KIAA1328: variants seen among roughly 807,000 people sequenced by gnomAD.
The protein encoded by KIAA1328 is protein hinderin.
Under a neutral mutation model 68.1 loss-of-function variants are expected in KIAA1328, and 52 were observed. The ratio of observed to expected loss-of-function variants is 0.76; its 90% CI spans 0.61 to 0.96. KIAA1328 has a LOEUF of 0.96. KIAA1328 is among the 40% of genes least tolerant of loss of function. The probability of loss-of-function intolerance (pLI) is 0.00; values close to 1 mark genes in which losing one functional copy is unlikely to be tolerated. For synonymous variants in KIAA1328, 232 were observed against 239.4 expected (o/e 0.97, Z 0.28); for missense variants, 641 against 677.6 (o/e 0.95, Z 0.60).
At chr18:36,892,064 T>C (rs1231308259) in intron 5 of KIAA1328, among the ~76,000 whole-genome samples, 2 of 152,150 alleles carry the variant, frequency 1.3e-5, no homozygotes, top group Admixed American at 1.3e-4. Flanking sequence ...TCCAAAGCTT[T>C]GTATTTAACT....
chr18:37,018,228 T>C (rs1394884958), intron 6 of KIAA1328, among the ~76,000 whole-genome samples: 11 of 152,148 alleles, frequency 7.2e-5, no homozygotes, highest in Non-Finnish European at 1.5e-4. Flanking sequence ...AACTGAAGTT[T>C]GGTGGGATGT....
downstream of KIAA1328, chr18:37,225,417 G>A (rs1353450812): frequency 3.5e-6 from 2 of 567,524 alleles, no homozygotes; most frequent in Non-Finnish European, 4.5e-6. Context: ...CAGACCTGCA[G>A]GTTATCAAAA....
chr18:37,115,991 C>T (rs943038297), intron 7 of KIAA1328, among the ~76,000 whole-genome samples: 7 of 152,210 alleles, frequency 4.6e-5, no homozygotes, highest in African/African-American at 1.7e-4. Context: ...CTACAAACCA[C>T]TGCTCAATGA....
chr18:37,053,674 C>T (rs1392461940), intron 6 of KIAA1328, among the ~76,000 whole-genome samples: 1 of 152,084 alleles, frequency 6.6e-6, no homozygotes, highest in African/African-American at 2.4e-5. Flanking sequence ...CCTCCGGAAA[C>T]TTACAATCAT....
intron 7 of KIAA1328, among the ~76,000 whole-genome samples, chr18:37,116,577 A>T (rs1262574792): frequency 6.6e-6 from 1 of 152,238 alleles, no homozygotes; most frequent in East Asian, 1.9e-4. Context: ...AACCTAGGCA[A>T]TACCATTCAG....
chr18:37,083,523 C>T (rs1162234888), intron 7 of KIAA1328, among the ~76,000 whole-genome samples: 2 of 152,166 alleles, frequency 1.3e-5, no homozygotes, highest in Non-Finnish European at 1.5e-5. Context: ...ACTCAACTCC[C>T]GGTAGAAAAC....
intron 6 of KIAA1328, among the ~76,000 whole-genome samples, chr18:37,047,926 G>T (rs1273364005): frequency 1.3e-5 from 2 of 152,052 alleles, no homozygotes; most frequent in African/African-American, 4.8e-5. Context: ...TTTAAAGAGG[G>T]AGTATAATGA....
chr18:37,076,938 T>C (rs1394686678), intron 7 of KIAA1328, among the ~76,000 whole-genome samples: 1 of 152,160 alleles, frequency 6.6e-6, no homozygotes, highest in African/African-American at 2.4e-5. Flanking sequence ...CTTCTGAAAC[T>C]ATTCCAATCA....
In KIAA1328 at chr18:36,864,197, A is replaced by G. The variant is rs180873582; in HGVS notation, c.332+19895A>G. On this transcript the variant is annotated intron_variant, in intron 4 of 9. Transcript: ENST00000280020. The stretch of plus-strand genomic sequence containing the variant: ...AAATGCTTTTTCTCTGTCGATTGAT[A>G]TGATTACATGAGTTTTCTTTAGCCT... Among the ~76,000 whole-genome samples the G allele has an allele frequency of 5.9e-5, 9 of 152,166 alleles. No individual in the cohort carries two copies. In the East Asian group the frequency reaches 1.7e-3, roughly 29 times the overall value.
chr18:36,909,372 A>G (rs1598673839), intron 5 of KIAA1328, among the ~76,000 whole-genome samples: 1 of 149,810 alleles, frequency 6.7e-6, no homozygotes, highest in Non-Finnish European at 1.5e-5. Flanking sequence ...TATGAATGAG[A>G]ACATGTGGTG....
chr18:37,167,992 A>G (rs935984329), intron 8 of KIAA1328, among the ~76,000 whole-genome samples: 2 of 152,202 alleles, frequency 1.3e-5, no homozygotes, highest in African/African-American at 4.8e-5. Flanking sequence ...CAAGCCGAAT[A>G]CAGCATATTG....
intron 7 of KIAA1328, among the ~76,000 whole-genome samples, chr18:37,068,941 T>A (rs922658728): frequency 6.6e-6 from 1 of 152,120 alleles, no homozygotes; most frequent in African/African-American, 2.4e-5. Context: ...CCTTTTTAGT[T>A]GCTTAATGAG....
intron 7 of KIAA1328, among the ~76,000 whole-genome samples, chr18:37,146,212 T>A (rs890423334): frequency 2.6e-5 from 4 of 152,046 alleles, no homozygotes; most frequent in Non-Finnish European, 4.4e-5. Context: ...GTACCCAATA[T>A]TTATTTTTTC....
chr18:37,216,648 G>A (rs1020386072), intron 9 of KIAA1328, among the ~76,000 whole-genome samples: 1 of 152,084 alleles, frequency 6.6e-6, no homozygotes. Flanking sequence ...TGTTAGGTCC[G>A]CTTGGTGCAT....
chr18:36,844,898 T>C (rs147006500), intron 4 of KIAA1328, among the ~76,000 whole-genome samples: 110 of 151,970 alleles, frequency 7.2e-4, no homozygotes, highest in African/African-American at 2.6e-3. Flanking sequence ...GAGAAATAGA[T>C]GAATATAAAT....
downstream of KIAA1328, among the ~76,000 whole-genome samples, chr18:37,228,084 A>C (rs140283505): frequency 1.3e-3 from 203 of 152,334 alleles, 1 homozygote; most frequent in African/African-American, 4.6e-3. Context: ...GGAAATAGCA[A>C]GAGAACTAGA....
intron 7 of KIAA1328, among the ~76,000 whole-genome samples, chr18:37,117,535 C>G (rs2058147897): frequency 6.6e-6 from 1 of 152,086 alleles, no homozygotes; most frequent in Non-Finnish European, 1.5e-5. Flanking sequence ...GGAGATATAA[C>G]TAATGTAAAT....
intron 9 of KIAA1328, among the ~76,000 whole-genome samples, chr18:37,173,733 A>C (rs1406101758): frequency 6.6e-6 from 1 of 152,228 alleles, no homozygotes; most frequent in African/African-American, 2.4e-5. Flanking sequence ...TTTGTAGTTA[A>C]TTTGAAGTCC....
chr18:37,151,885 G>A (rs1275020876), intron 7 of KIAA1328, among the ~76,000 whole-genome samples: 2 of 152,050 alleles, frequency 1.3e-5, no homozygotes, highest in African/African-American at 4.8e-5. Context: ...GCTTCCATAT[G>A]GGAACTGCAC....
Sources: gnomAD v4.1 joint callset for allele counts (sites outside exome capture counted in the v4.1 genomes callset) on GRCh38, gnomAD v4.1.1 for gene constraint, MANE v1.5 for transcripts, NCBI Gene and HGNC (gene_info 2026-07-23, HGNC 2026-07-21) for gene names.